Variants in ASIC2 observed in about 807,000 individuals in gnomAD.
ASIC2 encodes acid sensing ion channel subunit 2, also known as acid-sensing ion channel 2.
Under a neutral mutation model 57.3 loss-of-function variants are expected in ASIC2, and 25 were observed. The observed-to-expected ratio is 0.44, with a 90% CI of 0.32 to 0.61. The LOEUF is 0.61. Ranked by LOEUF, ASIC2 falls within the 20% of genes least tolerant of loss-of-function variation. ASIC2 has a pLI of 0.06. For synonymous variants in ASIC2, 319 were observed against 307.5 expected (o/e 1.04, Z -0.39); for missense variants, 641 against 738.1 (o/e 0.87, Z 1.52).
intron 1 of ASIC2, among the ~76,000 whole-genome samples, chr17:34,085,689 G>A (rs1409437802): frequency 6.6e-6 from 1 of 151,934 alleles, no homozygotes; most frequent in Non-Finnish European, 1.5e-5. Flanking sequence ...TGGTTGGTAA[G>A]CTATTGATTA....
intron 1 of ASIC2, among the ~76,000 whole-genome samples, chr17:33,132,600 T>C (rs373328858): frequency 6.6e-6 from 1 of 152,212 alleles, no homozygotes; most frequent in African/African-American, 2.4e-5. Flanking sequence ...TACAGATGCA[T>C]GTGCGCTCAT....
chr17:33,342,023 A>G (rs2142237965), intron 1 of ASIC2, among the ~76,000 whole-genome samples: 1 of 152,346 alleles, frequency 6.6e-6, no homozygotes, highest in East Asian at 1.9e-4. Flanking sequence ...ATTACAGAGC[A>G]GTCACATATT....
At chr17:33,026,037 A>G in intron 4 of ASIC2, 55 bp from the exon 5 acceptor site, 1 of 1,590,222 alleles carries the variant, frequency 6.3e-7, no homozygotes, top group Non-Finnish European at 8.6e-7. Context: ...TCATGTCAGC[A>G]ACACCTCCTC....
intron 1 of ASIC2, among the ~76,000 whole-genome samples, chr17:34,021,878 C>A (rs563522733): frequency 7.0e-6 from 1 of 143,286 alleles, no homozygotes; most frequent in African/African-American, 2.6e-5. Flanking sequence ...AGCTCTGTCA[C>A]CCGGGCTGGA....
intron 1 of ASIC2, among the ~76,000 whole-genome samples, chr17:33,717,067 T>C (rs1320731387): frequency 6.6e-6 from 1 of 152,224 alleles, no homozygotes; most frequent in Non-Finnish European, 1.5e-5. Flanking sequence ...CTCTGCCAGC[T>C]ATTTCCCTGG....
chr17:33,654,498 CCTT>C (rs1031884098), intron 1 of ASIC2, among the ~76,000 whole-genome samples: 1 of 152,218 alleles, frequency 6.6e-6, no homozygotes, highest in African/African-American at 2.4e-5. Flanking sequence ...GACACACTTT[CCTT>C]CTTCAAAATA....
chr17:33,183,836 G>C (rs1208607482), intron 1 of ASIC2, among the ~76,000 whole-genome samples: 1 of 152,144 alleles, frequency 6.6e-6, no homozygotes, highest in East Asian at 1.9e-4. Flanking sequence ...CATAATAATT[G>C]GTTAGCGGTA....
At chr17:33,015,755 G>A (rs1373436081) in intron 9 of ASIC2, among the ~76,000 whole-genome samples, 1 of 152,200 alleles carries the variant, frequency 6.6e-6, no homozygotes, top group Non-Finnish European at 1.5e-5. Context: ...ACCTCCTGGT[G>A]TCTGCTGCAT....
At chr17:33,576,360 T>A (rs1916620832) in intron 1 of ASIC2, among the ~76,000 whole-genome samples, 1 of 152,202 alleles carries the variant, frequency 6.6e-6, no homozygotes, top group Admixed American at 6.5e-5. Context: ...CTAGGCTTGT[T>A]GTAATTCAGG....
intron 1 of ASIC2, among the ~76,000 whole-genome samples, chr17:33,825,490 G>A (rs1339377948): frequency 6.6e-6 from 1 of 152,134 alleles, no homozygotes; most frequent in African/African-American, 2.4e-5. Context: ...GAGCAGGAAG[G>A]TCCTAATGTT....
intron 1 of ASIC2, among the ~76,000 whole-genome samples, chr17:33,416,221 C>G (rs1010767186): frequency 2.7e-4 from 41 of 152,298 alleles, no homozygotes; most frequent in African/African-American, 9.6e-4. Context: ...AGGCCAGAAT[C>G]AAGGCTGAAG....
At chr17:33,472,755 A>G (rs1483935863) in intron 1 of ASIC2, among the ~76,000 whole-genome samples, 1 of 152,122 alleles carries the variant, frequency 6.6e-6, no homozygotes, top group Non-Finnish European at 1.5e-5. Flanking sequence ...TGGGGCACAC[A>G]GGGGCCAGGA....
At chr17:33,556,339 T>G (rs1915908247) in intron 1 of ASIC2, among the ~76,000 whole-genome samples, 1 of 152,158 alleles carries the variant, frequency 6.6e-6, no homozygotes, top group South Asian at 2.1e-4. Flanking sequence ...CCTTGGAGTT[T>G]AAGAGCCCTG....
chr17:33,191,299 C>T (rs932549458), intron 1 of ASIC2, among the ~76,000 whole-genome samples: 16 of 152,118 alleles, frequency 1.1e-4, no homozygotes, highest in African/African-American at 3.6e-4. Context: ...CTGACAGAGA[C>T]GGATCAGTAG....
intron 1 of ASIC2, among the ~76,000 whole-genome samples, chr17:33,688,417 C>G (rs761941603): frequency 6.6e-6 from 1 of 152,086 alleles, no homozygotes; most frequent in Non-Finnish European, 1.5e-5. Flanking sequence ...TAGTTTCCGA[C>G]AGAATGAATG....
At chr17:33,350,735 T>C (rs1908136259) in intron 1 of ASIC2, among the ~76,000 whole-genome samples, 1 of 119,072 alleles carries the variant, frequency 8.4e-6, no homozygotes, top group Non-Finnish European at 1.7e-5. Flanking sequence ...CTAACTTCTC[T>C]CTGCATCTCA....
At chr17:33,065,343 AT>A (rs35416686) in intron 3 of ASIC2, among the ~76,000 whole-genome samples, 2,567 of 143,994 alleles carry the variant, frequency 0.018, 45 homozygotes, top group African/African-American at 0.052. Context: ...ACTTCCTGCT[AT>A]TTTTTTTTTT....
intron 1 of ASIC2, among the ~76,000 whole-genome samples, chr17:33,148,114 A>G (rs1317269769): frequency 6.6e-6 from 1 of 152,248 alleles, no homozygotes; most frequent in Non-Finnish European, 1.5e-5. Flanking sequence ...ACGCCTTGTC[A>G]GTATATAATA....
chr17:33,368,451 G>A (rs1305774341), intron 1 of ASIC2, among the ~76,000 whole-genome samples: 1 of 152,220 alleles, frequency 6.6e-6, no homozygotes, highest in African/African-American at 2.4e-5. Flanking sequence ...AGGGATCAGA[G>A]AACAGACTTC....
Sources: gnomAD v4.1 joint callset for allele counts (sites outside exome capture counted in the v4.1 genomes callset) on GRCh38, gnomAD v4.1.1 for gene constraint, MANE v1.5 for transcripts, NCBI Gene and HGNC (gene_info 2026-07-23, HGNC 2026-07-21) for gene names.